TMCC1: variants seen among roughly 807,000 people sequenced by gnomAD.
The protein encoded by TMCC1 is transmembrane and coiled-coil domain family 1.
In TMCC1, 15 loss-of-function variants were observed where a neutral mutation model predicts 52.4. That is an observed-to-expected ratio of 0.29 (90% CI 0.19 to 0.44). TMCC1 has a LOEUF of 0.44. TMCC1 is among the 20% of genes least tolerant of loss of function. The probability of loss-of-function intolerance (pLI) is 1.00; values close to 1 mark genes in which losing one functional copy is unlikely to be tolerated. For synonymous variants in TMCC1, 279 were observed against 301.9 expected (o/e 0.92, Z 0.79); for missense variants, 503 against 806.0 (o/e 0.62, Z 4.55).
intron 4 of TMCC1, among the ~76,000 whole-genome samples, chr3:129,739,065 C>G (rs902990965): frequency 6.6e-6 from 1 of 152,220 alleles, no homozygotes; most frequent in Non-Finnish European, 1.5e-5. Flanking sequence ...GACACACCTA[C>G]CTTGGTCTCC....
intron 4 of TMCC1, among the ~76,000 whole-genome samples, chr3:129,811,679 C>T (rs2057814911): frequency 6.6e-6 from 1 of 152,098 alleles, no homozygotes; most frequent in African/African-American, 2.4e-5. Context: ...TGCAGTGGCT[C>T]ATACCTGTAA....
intron 4 of TMCC1, among the ~76,000 whole-genome samples, chr3:129,699,678 C>G (rs1459647855): frequency 6.6e-6 from 1 of 152,152 alleles, no homozygotes; most frequent in African/African-American, 2.4e-5. Flanking sequence ...GATTGGGACC[C>G]CTTTCCTGGG....
intron 4 of TMCC1, among the ~76,000 whole-genome samples, chr3:129,788,926 A>C (rs910631934): frequency 6.6e-6 from 1 of 152,222 alleles, no homozygotes; most frequent in African/African-American, 2.4e-5. Flanking sequence ...TTAGAATGTT[A>C]CCTGATTTAA....
At chr3:129,858,574 G>A (rs764136445) in intron 2 of TMCC1, among the ~76,000 whole-genome samples, 1 of 151,944 alleles carries the variant, frequency 6.6e-6, no homozygotes, top group Admixed American at 6.6e-5. Context: ...GTTTTGTCAG[G>A]TTGCCCAGGC....
At chr3:129,796,424 G>C (rs1164084698) in intron 4 of TMCC1, among the ~76,000 whole-genome samples, 1 of 152,222 alleles carries the variant, frequency 6.6e-6, no homozygotes, top group Non-Finnish European at 1.5e-5. Flanking sequence ...ACTATCTTCA[G>C]TTTCAGGCAT....
At chr3:129,846,039 A>C (rs2059650605) in intron 2 of TMCC1, among the ~76,000 whole-genome samples, 5 of 152,100 alleles carry the variant, frequency 3.3e-5, no homozygotes, top group Admixed American at 3.3e-4. Flanking sequence ...GTCTCAAAAA[A>C]ATAAAAAGAA....
intron 4 of TMCC1, among the ~76,000 whole-genome samples, chr3:129,815,163 C>G (rs571599879): frequency 1.5e-4 from 23 of 151,878 alleles, no homozygotes; most frequent in Non-Finnish European, 2.9e-4. Context: ...AAACAAATCT[C>G]AACGATTAAA....
intron 4 of TMCC1, among the ~76,000 whole-genome samples, chr3:129,778,078 G>A (rs1284880983): frequency 2.3e-4 from 35 of 152,146 alleles, no homozygotes; most frequent in Non-Finnish European, 2.9e-5. Context: ...CTTCTCTTTT[G>A]TTCTTCTCTA....
intron 4 of TMCC1, among the ~76,000 whole-genome samples, chr3:129,795,027 T>C (rs545326802): frequency 6.6e-6 from 1 of 152,124 alleles, no homozygotes; most frequent in Admixed American, 6.5e-5. Flanking sequence ...TTGTCTAGCA[T>C]AATTGGCCAA....
chr3:129,684,327 T>C (rs768646911), intron 4 of TMCC1, among the ~76,000 whole-genome samples: 1 of 152,254 alleles, frequency 6.6e-6, no homozygotes, highest in Non-Finnish European at 1.5e-5. Flanking sequence ...CTTAAGCCTC[T>C]GTGAGGGAAT....
chr3:129,838,878 TAA>T (rs61656993), intron 2 of TMCC1, among the ~76,000 whole-genome samples: 1,789 of 150,382 alleles, frequency 0.012, 23 homozygotes, highest in African/African-American at 0.042. Context: ...AATAAAGATA[TAA>T]GATTATAATA....
At chr3:129,743,216 C>T (rs2051616290) in intron 4 of TMCC1, among the ~76,000 whole-genome samples, 1 of 152,144 alleles carries the variant, frequency 6.6e-6, no homozygotes, top group South Asian at 2.1e-4. Context: ...TCTAAAAAGT[C>T]ACTCCTCCAT....
chr3:129,839,387 A>G (rs1223963635), intron 2 of TMCC1, among the ~76,000 whole-genome samples: 1 of 152,200 alleles, frequency 6.6e-6, no homozygotes, highest in Non-Finnish European at 1.5e-5. Flanking sequence ...AGCAACCACT[A>G]AAAACCTTTT....
intron 2 of TMCC1, among the ~76,000 whole-genome samples, chr3:129,874,073 A>G (rs1429253224): frequency 6.6e-6 from 1 of 152,204 alleles, no homozygotes; most frequent in African/African-American, 2.4e-5. Flanking sequence ...GGAGACACAA[A>G]AAGAGGTAAA....
chr3:129,701,837 G>T (rs2047858198), intron 4 of TMCC1, among the ~76,000 whole-genome samples: 1 of 152,134 alleles, frequency 6.6e-6, no homozygotes, highest in Non-Finnish European at 1.5e-5. Context: ...ATAAAGCCAT[G>T]ATGGTAGTAC....
chr3:129,882,434 G>C (rs895371244), intron 1 of TMCC1, among the ~76,000 whole-genome samples: 2 of 151,806 alleles, frequency 1.3e-5, no homozygotes, highest in Non-Finnish European at 2.9e-5. Flanking sequence ...CGATGCTACA[G>C]CCACTGGGGA....
chr3:129,870,898 C>T (rs956572242), intron 2 of TMCC1, among the ~76,000 whole-genome samples: 1 of 151,548 alleles, frequency 6.6e-6, no homozygotes, highest in African/African-American at 2.4e-5. Flanking sequence ...TATAATCTGA[C>T]AGTCCAAGAA....
At chr3:129,699,618 C>T (rs1269687430) in intron 4 of TMCC1, among the ~76,000 whole-genome samples, 2 of 152,148 alleles carry the variant, frequency 1.3e-5, no homozygotes, top group African/African-American at 2.4e-5. Flanking sequence ...TTTATGGATT[C>T]GCCTTGAACT....
intron 4 of TMCC1, among the ~76,000 whole-genome samples, chr3:129,745,217 G>A (rs1184519616): frequency 1.3e-5 from 2 of 152,140 alleles, no homozygotes; most frequent in South Asian, 2.1e-4. Flanking sequence ...AAAAAACTTC[G>A]TTACAATTTT....
Sources: allele counts gnomAD v4.1 joint callset (sites outside exome capture counted in the v4.1 genomes callset), GRCh38; gene constraint gnomAD v4.1.1; transcripts MANE v1.5; gene names NCBI Gene and HGNC (gene_info 2026-07-23, HGNC 2026-07-21).